NIP7: variants seen among roughly 807,000 people sequenced by gnomAD.
The protein encoded by NIP7 is nucleolar pre-rRNA processing protein NIP7.
A neutral mutation model predicts 20.1 loss-of-function variants in NIP7; 12 were observed. That is an observed-to-expected ratio of 0.60 (90% CI 0.38 to 0.97). The LOEUF (loss-of-function observed/expected upper bound fraction) is 0.97. NIP7 is among the 50% of genes least tolerant of loss of function. The pLI, the probability that NIP7 is intolerant of heterozygous loss-of-function variation, is 0.00. For missense variants in NIP7, 226 were observed against 226.6 expected, an observed-to-expected ratio of 1.00 and a Z score of 0.02; for synonymous variants, 103 against 87.2, an observed-to-expected ratio of 1.18 and a Z score of -1.01.
chr16:69,340,121 A>C, intron 2 of NIP7, 29 bp downstream of exon 2: 2 of 1,613,168 alleles, frequency 1.2e-6, no homozygotes, highest in Non-Finnish European at 8.5e-7. Flanking sequence ...GGCAGCATGG[A>C]CCCAGGGGAG....
At chr16:69,340,166 C>T (rs1176527636) in intron 2 of NIP7, 28 bp from the exon 3 acceptor site, 2 of 1,613,350 alleles carry the variant, frequency 1.2e-6, no homozygotes, top group South Asian at 1.1e-5. Context: ...CCTTCATCCG[C>T]AACCTTGCTC....
In NIP7 at chr16:69,340,078, G is replaced by C; in HGVS notation, c.129G>C (p.Arg43=). 1 of 1,614,112 alleles carries C rather than the reference G, an allele frequency of 6.2e-7. No individual in the cohort carries two copies. The highest frequency in any genetic ancestry group is 1.1e-5 in the South Asian group (1 of 91,074). The change falls in exon 2 of 5, where the codon CGG becomes CGC. Residue 43 remains arginine, a synonymous_variant. Transcript: ENST00000254940. ...GTYCFRLHND[R]VYYVSEKIMK... is the part of the protein sequence containing the mutation. ...ACTGTTTCCGTCTGCACAACGACCG[G>C]GTGTACTATGTGAGGTGAGGCGGGG...
In NIP7 at chr16:69,339,804, T is replaced by G; in HGVS notation, c.-26T>G. 1.9e-6 allele frequency: 3 copies of G among 1,612,008 alleles called. No homozygotes were observed. The highest frequency in any genetic ancestry group is 2.5e-6 in the Non-Finnish European group (3 of 1,179,782). ...GTTTCCAGTTACCAAGGCACGAGGA[T>G]CCGGTGTTCCAACCCAGGGGGAAAA... On this transcript the variant is annotated 5_prime_UTR_variant, in exon 1 of 5. Coordinates refer to ENST00000254940, the MANE Select transcript of NIP7 (RefSeq NM_016101.5).
In NIP7 at chr16:69,342,676, ATATT is replaced by A. The variant is rs1488073467; in HGVS notation, c.*1025_*1028del. ...AATGGTAATTATTTTTATATTATAT[ATATT>A]ATGTATTCCTGTTATTAAGTGTAGA... is the stretch of plus-strand genomic sequence containing the variant. On this transcript the variant is annotated 3_prime_UTR_variant, in exon 5 of 5. Transcript: ENST00000254940. 2 of 152,060 alleles carry A rather than the reference ATATT, an allele frequency of 1.3e-5. No individual in the cohort carries two copies. Among genetic ancestry groups the A allele is most frequent in the Non-Finnish European group, 2.9e-5 (2 of 68,034 alleles). The allele number at this position is 152,060 out of a possible 1,614,324, so 9.4% of individuals were successfully genotyped here.
chr16:69,340,034 G>A lies in NIP7; in HGVS notation c.85G>A (p.Asp29Asn). The change falls in exon 2 of 5, where the codon GAC (aspartate) becomes AAC (asparagine). Residue 29 changes from aspartate (D) to asparagine (N), a missense_variant. Transcript: ENST00000254940. ...YIGENLQLLV[D>N]RPDGTYCFRL... Reference sequence around the variant, plus strand: ...TGGGGAGAATCTTCAACTGCTGGTGGACCGGCCCGATGGCACCTACTGTTT... The same window carrying A: ...TGGGGAGAATCTTCAACTGCTGGTGAACCGGCCCGATGGCACCTACTGTTT... The A allele has an allele frequency of 6.2e-7, 1 of 1,614,068 alleles. No individual in the cohort carries two copies. Among genetic ancestry groups the A allele is most frequent in the East Asian group, 2.2e-5 (1 of 44,864 alleles).
chr16:69,341,386 C>T (rs762168773), intron 4 of NIP7, 66 bp downstream of exon 4: 17 of 1,584,326 alleles, frequency 1.1e-5, no homozygotes, highest in Non-Finnish European at 1.4e-5. Flanking sequence ...TGTCTTCAAT[C>T]TGAGTGCTTG....
At chr16:69,340,961 C>T in intron 3 of NIP7, 1 of 443,954 alleles carries the variant, frequency 2.3e-6, no homozygotes, top group Non-Finnish European at 4.0e-6. Flanking sequence ...GATCCACCTG[C>T]CTTGGCCTCC....
Position 69,339,991 on chromosome 16 carries a change from T to A in NIP7, c.57-15T>A, listed in dbSNP as rs11643686. The A allele has an allele frequency of 0.064, 103,277 of 1,613,440 alleles. 3,680 individuals carry two copies. The highest frequency in any genetic ancestry group is 0.072 in the Non-Finnish European group (85,386 of 1,179,938). ...TTCGTTCGGGCGCGGTCTCCAGTCC[T>A]CTTTTTGCCCTCAGCATTGGGGAGA... On this transcript the variant is annotated splice_polypyrimidine_tract_variant and intron_variant, in intron 1 of 4. Coordinates refer to ENST00000254940, the MANE Select transcript of NIP7 (RefSeq NM_016101.5).
intron 3 of NIP7, 62 bp downstream of exon 3, chr16:69,340,394 C>T (rs749500801): frequency 1.4e-5 from 22 of 1,578,800 alleles, no homozygotes; most frequent in East Asian, 2.2e-5. Flanking sequence ...GCAGATTGTC[C>T]GGCAGCTTCT....
rs2012600448 is a variant in NIP7, at chr16:69,342,898, A to G, written c.*1246A>G. On this transcript the variant is annotated 3_prime_UTR_variant, in exon 5 of 5. Coordinates refer to ENST00000254940, the MANE Select transcript of NIP7 (RefSeq NM_016101.5). ...GCACTGATCAGAGGCCACGACATAA[A>G]AATTCAGTCCCTTTGTCCTTCCCCG... 1 of 152,642 alleles carries G rather than the reference A, an allele frequency of 6.6e-6. No individual in the cohort carries two copies. The highest frequency in any genetic ancestry group is 6.5e-5 in the Admixed American group (1 of 15,314). 9.5% of individuals were successfully genotyped at this position (152,642 alleles called of 1,614,324 possible).
In NIP7 at chr16:69,339,814, C is replaced by T. The variant is rs374467136; in HGVS notation, c.-16C>T. Reference sequence around the variant, plus strand: ...ACCAAGGCACGAGGATCCGGTGTTCCAACCCAGGGGGAAAAATGCGGCCTT... The same window carrying T: ...ACCAAGGCACGAGGATCCGGTGTTCTAACCCAGGGGGAAAAATGCGGCCTT... On this transcript the variant is annotated 5_prime_UTR_variant, in exon 1 of 5. Transcript: ENST00000254940. 6.2e-7 allele frequency: 1 copy of T among 1,612,292 alleles called. No homozygotes were observed.
rs1312052281 is a variant in NIP7, at chr16:69,342,110, A to G, written c.*458A>G. 4 of 154,498 alleles carry G rather than the reference A, an allele frequency of 2.6e-5. No individual in the cohort carries two copies. The highest frequency in any genetic ancestry group is 2.6e-4 in the Admixed American group (4 of 15,562). 9.6% of individuals were successfully genotyped at this position (154,498 alleles called of 1,614,324 possible). A position where few individuals can be genotyped will look rare whatever the true frequency, so the allele number is the denominator to read the frequency against. On this transcript the variant is annotated 3_prime_UTR_variant, in exon 5 of 5. Coordinates refer to ENST00000254940, the MANE Select transcript of NIP7 (RefSeq NM_016101.5). ...GAGCAATTCAGCTATTTTTCTATAC[A>G]GTAATTGGTGTGTGGTATAGAAGAA...
In NIP7 at chr16:69,340,333, GT is replaced by G. The variant is rs1402792122; in HGVS notation, c.282+4del. 1.9e-6 allele frequency: 3 copies of G among 1,609,914 alleles called. No homozygotes were observed. The highest frequency in any genetic ancestry group is 1.7e-6 in the Non-Finnish European group (2 of 1,179,706). ...GGATTACCTTGCACCTTATGCCAAG[GT>G]TTGTGGGGCGGTTTCCAATTCTGCC... On this transcript the variant is annotated splice_donor_variant, in intron 3 of 4. Transcript: ENST00000254940. LOFTEE classifies it high-confidence loss of function.
Position 69,341,681 on chromosome 16 carries a change from G to A in NIP7, c.*29G>A, listed in dbSNP as rs1353229197. The A allele has an allele frequency of 2.5e-6, 4 of 1,611,644 alleles. No homozygotes were observed. Among genetic ancestry groups the A allele is most frequent in the East Asian group, 2.2e-5 (1 of 44,860 alleles). On this transcript the variant is annotated 3_prime_UTR_variant, in exon 5 of 5. Coordinates refer to ENST00000254940, the MANE Select transcript of NIP7 (RefSeq NM_016101.5). The stretch of plus-strand genomic sequence containing the variant: ...GAAGCCATTCCAAGGACAGACGGCT[G>A]TATGGAAAGGCCGAGCTTTGTTTCC...
chr16:69,340,135 G>A, intron 2 of NIP7, 43 bp downstream of exon 2: 2 of 1,612,884 alleles, frequency 1.2e-6, no homozygotes, highest in South Asian at 1.1e-5. Flanking sequence ...AGGGGAGAGG[G>A]GTCCTGGGTC....
At position 69,342,710 on chromosome 16, in the gene NIP7, T is replaced by C. The variant is rs1386564214; in HGVS notation, c.*1058T>C. 6.6e-6 allele frequency: 1 copy of C among 152,152 alleles called. No homozygotes were observed. Among genetic ancestry groups the C allele is most frequent in the Non-Finnish European group, 1.5e-5 (1 of 68,042 alleles). The allele number at this position is 152,152 out of a possible 1,614,324, so 9.4% of individuals were successfully genotyped here. A position where few individuals can be genotyped will look rare whatever the true frequency, so the allele number is the denominator to read the frequency against. ...ATTCCTGTTATTAAGTGTAGAGTTT[T>C]ATGAGTATAATTTGATTTTATTACC... is the stretch of plus-strand genomic sequence containing the variant. On this transcript the variant is annotated 3_prime_UTR_variant, in exon 5 of 5. Transcript: ENST00000254940.
intron 3 of NIP7, 56 bp from the exon 4 acceptor site, chr16:69,341,124 T>G: frequency 6.8e-7 from 1 of 1,460,838 alleles, no homozygotes; most frequent in Non-Finnish European, 9.4e-7. Flanking sequence ...CTAGCTTGTC[T>G]GCATGGATAG....
At chr16:69,340,522 G>C in intron 3 of NIP7, 190 bp downstream of exon 3, 1 of 709,682 alleles carries the variant, frequency 1.4e-6, no homozygotes. Flanking sequence ...TGGCTGCGTA[G>C]GGTTAGTTTT....
intron 3 of NIP7, 45 bp from the exon 4 acceptor site, chr16:69,341,130 GATAGA>G (rs771087329): frequency 2.6e-6 from 4 of 1,521,122 alleles, no homozygotes; most frequent in Non-Finnish European, 3.6e-6. Flanking sequence ...TGTCTGCATG[GATAGA>G]AATAGTAACG....
Sources: gnomAD v4.1 joint callset for allele counts on GRCh38, gnomAD v4.1.1 for gene constraint, MANE v1.5 for transcripts, NCBI Gene and HGNC (gene_info 2026-07-23, HGNC 2026-07-21) for gene names.